Variants in AXIN1 observed in about 807,000 individuals in gnomAD.
AXIN1 encodes the protein axin-1.
Under a neutral mutation model 76.4 loss-of-function variants are expected in AXIN1, and 30 were observed. The observed-to-expected ratio is 0.39, with a 90% CI of 0.29 to 0.53. AXIN1 has a LOEUF of 0.53. AXIN1 is among the 20% of genes least tolerant of loss of function. AXIN1 has a pLI of 0.66. For synonymous variants in AXIN1, 545 were observed against 501.4 expected (o/e 1.09, Z -1.16); for missense variants, 1,140 against 1,198.8 (o/e 0.95, Z 0.72).
At chr16:299,582 T>C (rs1213094163) in intron 5 of AXIN1, among the ~76,000 whole-genome samples, 1 of 152,056 alleles carries the variant, frequency 6.6e-6, no homozygotes, top group Admixed American at 6.6e-5. Context: ...CTCAAACTCC[T>C]AACCTCAGGT....
chr16:334,800 C>A (rs964592276), intron 2 of AXIN1, among the ~76,000 whole-genome samples: 1 of 150,564 alleles, frequency 6.6e-6, no homozygotes, highest in African/African-American at 2.5e-5. Flanking sequence ...ATGCCAATAA[C>A]ACAGCACCCA....
At chr16:350,284 C>T (rs2054115916) in intron 1 of AXIN1, among the ~76,000 whole-genome samples, 3 of 152,162 alleles carry the variant, frequency 2.0e-5, no homozygotes, top group Admixed American at 1.3e-4. Flanking sequence ...CACAGGGAAG[C>T]ACACCAAGCA....
At chr16:332,802 T>A (rs566544000) in intron 2 of AXIN1, among the ~76,000 whole-genome samples, 1 of 151,960 alleles carries the variant, frequency 6.6e-6, no homozygotes, top group South Asian at 2.1e-4. Flanking sequence ...AAAGGATCAC[T>A]CTAAATGGTC....
intron 4 of AXIN1, among the ~76,000 whole-genome samples, chr16:306,292 C>T (rs1224243607): frequency 6.6e-6 from 1 of 152,192 alleles, no homozygotes; most frequent in African/African-American, 2.4e-5. Flanking sequence ...AAAACTGACC[C>T]TGATACAATA....
At chr16:345,714 C>CAA (rs57841611) in intron 2 of AXIN1, among the ~76,000 whole-genome samples, 1 of 130,440 alleles carries the variant, frequency 7.7e-6, no homozygotes, top group Non-Finnish European at 1.7e-5. Context: ...AACTCCGTCT[C>CAA]AAAAAAAAAA....
In AXIN1 at chr16:346,691, G is replaced by A. The variant is rs1374534943; in HGVS notation, c.335C>T (p.Ala112Val). 7 of 1,569,630 alleles carry A rather than the reference G, an allele frequency of 4.5e-6. No homozygotes were observed. Among genetic ancestry groups the A allele is most frequent in the Admixed American group, 1.8e-5 (1 of 54,598 alleles). ...GGCAAACCAGAAGTCCAGCAAGTCGGCACAGCCCTCCTGCTTCAGGAAAGT... is the reference window on the plus strand; with the variant it reads ...GGCAAACCAGAAGTCCAGCAAGTCGACACAGCCCTCCTGCTTCAGGAAAGT... Reference protein sequence around the residue: ...FRTFLKQEGCADLLDFWFACT... With the variant: ...FRTFLKQEGCVDLLDFWFACT... Residue 112 changes from alanine (A) to valine (V), a missense_variant, in exon 2 of 11, where the codon GCC (alanine) becomes GTC (valine). By Grantham distance (64) the Ala-to-Val change is moderately conservative. This residue lies in a region of AXIN1 where 708 missense variants were observed against 776.9 expected (regional missense o/e 0.91). Transcript: ENST00000262320.
At position 287,456 on chromosome 16, in the gene AXIN1, T is replaced by TTTTA. The variant is rs1346218410; in HGVS notation, c.*662_*665dup. The TTTTA allele has an allele frequency of 9.3e-6, 4 of 430,356 alleles. No homozygotes were observed. The highest frequency in any genetic ancestry group is 1.7e-5 in the Non-Finnish European group (4 of 241,392). 26.7% of individuals were successfully genotyped at this position (430,356 alleles called of 1,614,324 possible). ...ACAGCCAGGGCAGGTTCAAAAACAG[T>TTTTA]TTTATTTCATTATTATCCAAGTACC... On this transcript the variant is annotated 3_prime_UTR_variant, in exon 11 of 11. Transcript: ENST00000262320.
At chr16:295,819 C>T (rs1230357134) in intron 7 of AXIN1, among the ~76,000 whole-genome samples, 3 of 151,892 alleles carry the variant, frequency 2.0e-5, no homozygotes, top group Non-Finnish European at 4.4e-5. Flanking sequence ...ATACAAAAAT[C>T]AGCCGGGCGT....
At chr16:331,231 A>G (rs2141656284) in intron 2 of AXIN1, among the ~76,000 whole-genome samples, 1 of 144,566 alleles carries the variant, frequency 6.9e-6, no homozygotes, top group African/African-American at 2.5e-5. Context: ...GTTAAGGTAA[A>G]AATTCTGTAC....
intron 2 of AXIN1, among the ~76,000 whole-genome samples, chr16:336,794 G>A (rs1367224190): frequency 1.1e-4 from 16 of 143,362 alleles, no homozygotes; most frequent in Admixed American, 1.0e-3. Flanking sequence ...TCCAGTCTGG[G>A]CAACAGAGCA....
At chr16:323,802 AC>A (rs34443901) in intron 2 of AXIN1, among the ~76,000 whole-genome samples, 1 of 151,586 alleles carries the variant, frequency 6.6e-6, no homozygotes, top group Non-Finnish European at 1.5e-5. Flanking sequence ...ACACACACAC[AC>A]CAACAAAACA....
At chr16:343,464 G>A (rs1597118671) in intron 2 of AXIN1, among the ~76,000 whole-genome samples, 1 of 152,300 alleles carries the variant, frequency 6.6e-6, no homozygotes, top group East Asian at 1.9e-4. Flanking sequence ...CACTTTGGGA[G>A]GCTGAGGCGG....
Position 293,837 on chromosome 16 carries a change from G to A in AXIN1, c.1956-119C>T, listed in dbSNP as rs2052635466. 1.0e-6 allele frequency: 1 copy of A among 993,962 alleles called. No individual in the cohort carries two copies. Among genetic ancestry groups the A allele is most frequent in the Non-Finnish European group, 1.6e-6 (1 of 634,958 alleles). 61.6% of individuals were successfully genotyped at this position (993,962 alleles called of 1,614,324 possible). ...GAGGGATAGGATGGGATGGGGCACT[G>A]GGGCCTGGCCACCAAGCCACATGGA... On this transcript the variant is annotated intron_variant, in intron 7 of 10. Coordinates refer to ENST00000262320, the MANE Select transcript of AXIN1 (RefSeq NM_003502.4). The surrounding 1 kb of genome is among the most constrained non-coding windows in gnomAD (Gnocchi z 4.6).
intron 5 of AXIN1, among the ~76,000 whole-genome samples, chr16:300,112 T>C (rs2052831388): frequency 6.6e-6 from 1 of 152,046 alleles, no homozygotes; most frequent in Admixed American, 6.6e-5. Context: ...GCTAAATTTT[T>C]TGTATTTTTA....
intron 3 of AXIN1, among the ~76,000 whole-genome samples, chr16:311,695 C>G (rs1271103881): frequency 1.3e-5 from 2 of 152,066 alleles, no homozygotes; most frequent in Non-Finnish European, 1.5e-5. Context: ...GGCGTGAACC[C>G]GGGAGGCGGA....
rs912572287 is a variant in AXIN1, at chr16:296,663, T to G, written c.1955+393A>C. ...CAGCCCTCAGCAGGACGGCCAGGTG[T>G]GAGCACAGAAGGCTCCTCCGTGGGC... On this transcript the variant is annotated intron_variant, in intron 7 of 10. Transcript: ENST00000262320. Among the ~76,000 whole-genome samples, 15 of 152,300 alleles carry G rather than the reference T, an allele frequency of 9.8e-5. 1 individual carries two copies. The highest frequency in any genetic ancestry group is 3.6e-4 in the African/African-American group (15 of 41,570).
chr16:312,154 C>T (rs1044737267), intron 3 of AXIN1, among the ~76,000 whole-genome samples: 53 of 152,316 alleles, frequency 3.5e-4, no homozygotes, highest in Middle Eastern at 6.8e-3. Flanking sequence ...TAGACACTGA[C>T]CCCACATCTG....
In AXIN1 at chr16:287,959, G is replaced by C; in HGVS notation, c.*163C>G. The C allele has an allele frequency of 8.4e-7, 1 of 1,197,292 alleles. No homozygotes were observed. The highest frequency in any genetic ancestry group is 1.2e-6 in the Non-Finnish European group (1 of 824,184). The allele number at this position is 1,197,292 out of a possible 1,614,324, so 74.2% of individuals were successfully genotyped here. Reference sequence around the variant, plus strand: ...AGGACAGAAGCTTGTGGACCACTTGGAGGGACCCCCTACCTGCCTCTAGAC... The same window carrying C: ...AGGACAGAAGCTTGTGGACCACTTGCAGGGACCCCCTACCTGCCTCTAGAC... On this transcript the variant is annotated 3_prime_UTR_variant, in exon 11 of 11. Transcript: ENST00000262320.
intron 2 of AXIN1, among the ~76,000 whole-genome samples, chr16:335,008 C>A (rs189398532): frequency 2.0e-4 from 30 of 152,246 alleles, no homozygotes; most frequent in Admixed American, 1.0e-3. Flanking sequence ...CCCAAATGAA[C>A]CAAACGCAAC....
Sources: allele counts gnomAD v4.1 joint callset (sites outside exome capture counted in the v4.1 genomes callset), GRCh38; gene constraint gnomAD v4.1.1; regional missense constraint gnomAD v4.1.1; non-coding constraint Gnocchi (gnomAD v3.1); transcripts MANE v1.5; gene names NCBI Gene and HGNC (gene_info 2026-07-23, HGNC 2026-07-21).